The following WDR12 variants were observed in gnomAD, a reference collection of about 807,000 sequenced individuals.
WDR12 encodes WD repeat domain 12, also known as ribosome biogenesis protein WDR12.
In WDR12, 42 loss-of-function variants were observed where a neutral mutation model predicts 64.3. The ratio of observed to expected loss-of-function variants is 0.65; its 90% CI spans 0.51 to 0.84. The LOEUF (loss-of-function observed/expected upper bound fraction) is 0.84, where lower values mean the gene tolerates loss of function less well. Among genes scored for constraint, WDR12 ranks in the 40% least tolerant of loss-of-function variants. The pLI is 0.00. For synonymous variants in WDR12, 158 were observed against 173.3 expected (o/e 0.91, Z 0.70); for missense variants, 469 against 494.6 (o/e 0.95, Z 0.49).
intron 8 of WDR12, among the ~76,000 whole-genome samples, chr2:202,891,986 T>A (rs182613303): frequency 4.8e-4 from 73 of 152,334 alleles, no homozygotes; most frequent in African/African-American, 1.5e-3. Context: ...GGGGATCTAA[T>A]GTACAGCATG....
chr2:202,895,572 G>A (rs193191686), intron 6 of WDR12, among the ~76,000 whole-genome samples: 56 of 140,796 alleles, frequency 4.0e-4, no homozygotes, highest in Admixed American at 1.1e-3. Flanking sequence ...GGCCCAGGCT[G>A]GAGTGCAACG....
chr2:202,875,668 G>C lies in WDR12; in HGVS notation c.*5192C>G, dbSNP rs548279408. ...CTCCCAAAATGTTGGGATTACAGGC[G>C]TTAGCCACGGCGCCCAGCCACATAT... is the stretch of plus-strand genomic sequence containing the variant. On this transcript the variant is annotated 3_prime_UTR_variant, in exon 13 of 13. Coordinates refer to ENST00000261015, the MANE Select transcript of WDR12 (RefSeq NM_018256.4). The C allele has an allele frequency of 6.6e-6, 1 of 152,148 alleles. No homozygotes were observed. The highest frequency in any genetic ancestry group is 1.5e-5 in the Non-Finnish European group (1 of 68,030). The allele number at this position is 152,148 out of a possible 1,614,324, so 9.4% of individuals were successfully genotyped here. A position where few individuals can be genotyped will look rare whatever the true frequency, so the allele number is the denominator to read the frequency against.
At position 202,897,888 on chromosome 2, in the gene WDR12, CAAAAAAAAAA is replaced by C. The variant is rs10637220; in HGVS notation, c.339-483_339-474del. Among the ~76,000 whole-genome samples the C allele has an allele frequency of 6.7e-5, 5 of 74,190 alleles. No homozygotes were observed. In the South Asian group the frequency reaches 2.1e-3, roughly 32 times the overall value. The allele number at this position is 74,190 out of a possible 152,430, so 48.7% of individuals were successfully genotyped here. ...TGGGTGACAGAGCGAGACTCCGTTTCAAAAAAAAAAAAAAAAAAAAATATATATATATATA... is the reference window on the plus strand; with the variant it reads ...TGGGTGACAGAGCGAGACTCCGTTTCAAAAAAAAAAATATATATATATATA... On this transcript the variant is annotated intron_variant, in intron 4 of 12. Coordinates refer to ENST00000261015, the MANE Select transcript of WDR12 (RefSeq NM_018256.4).
intron 8 of WDR12, among the ~76,000 whole-genome samples, chr2:202,887,894 CAAAAAAA>C (rs778475206): frequency 9.9e-5 from 6 of 60,756 alleles, no homozygotes; most frequent in Non-Finnish European, 1.3e-4. Flanking sequence ...GACTCCGTCT[CAAAAAAA>C]AAAAAAAAAA....
At chr2:202,899,810 T>A (rs1391601705) in intron 3 of WDR12, among the ~76,000 whole-genome samples, 173 bp from the exon 4 acceptor site, 1 of 152,182 alleles carries the variant, frequency 6.6e-6, no homozygotes, top group Non-Finnish European at 1.5e-5. Context: ...GACCTAACTG[T>A]AAGCTAAGAG....
intron 7 of WDR12, 106 bp from the exon 8 acceptor site, chr2:202,892,808 C>T (rs185175231): frequency 2.3e-4 from 163 of 697,562 alleles, no homozygotes; most frequent in South Asian, 1.2e-3. Flanking sequence ...CGTTATCACA[C>T]AGTTAGGGAA....
At chr2:202,887,748 C>T (rs1344460324) in intron 8 of WDR12, among the ~76,000 whole-genome samples, 13 of 151,092 alleles carry the variant, frequency 8.6e-5, no homozygotes, top group South Asian at 2.1e-4. Context: ...ATTAGCCGGG[C>T]GCGGTGGCGG....
intron 8 of WDR12, among the ~76,000 whole-genome samples, chr2:202,886,424 C>A (rs1474553049): frequency 6.6e-6 from 1 of 152,036 alleles, no homozygotes; most frequent in Non-Finnish European, 1.5e-5. Context: ...TGCCACTGCA[C>A]TCTACCCTGG....
chr2:202,888,550 G>A (rs1425298963), intron 8 of WDR12, among the ~76,000 whole-genome samples: 1 of 152,134 alleles, frequency 6.6e-6, no homozygotes, highest in African/African-American at 2.4e-5. Context: ...AATTAAGGAG[G>A]AAAAGACTAT....
intron 6 of WDR12, among the ~76,000 whole-genome samples, chr2:202,895,695 T>A (rs1406196414): frequency 5.4e-5 from 8 of 149,196 alleles, no homozygotes; most frequent in Admixed American, 1.3e-4. Flanking sequence ...GCTTATTTTT[T>A]TTTTTTTTTT....
intron 8 of WDR12, among the ~76,000 whole-genome samples, chr2:202,887,695 T>C (rs1688072607): frequency 6.6e-6 from 1 of 150,646 alleles, no homozygotes; most frequent in Non-Finnish European, 1.5e-5. Context: ...GAGACCATCC[T>C]GGCTAACAAG....
chr2:202,909,585 G>A (rs1688527903), intron 1 of WDR12, among the ~76,000 whole-genome samples: 1 of 152,018 alleles, frequency 6.6e-6, no homozygotes, highest in Admixed American at 6.6e-5. Context: ...ATTGACTGTG[G>A]TGATGGTTGC....
At chr2:202,890,552 G>A (rs546560334) in intron 8 of WDR12, among the ~76,000 whole-genome samples, 18 of 151,582 alleles carry the variant, frequency 1.2e-4, no homozygotes, top group Admixed American at 7.2e-4. Context: ...GGTGGATCAC[G>A]AGGTCAGGAG....
intron 8 of WDR12, among the ~76,000 whole-genome samples, chr2:202,887,865 G>A (rs542634496): frequency 2.2e-4 from 30 of 138,228 alleles, no homozygotes; most frequent in Admixed American, 7.8e-4. Flanking sequence ...TCCGCAGTCC[G>A]ACCTGGGCGA....
At chr2:202,893,210 G>A (rs1373904711) in intron 7 of WDR12, among the ~76,000 whole-genome samples, 3 of 151,866 alleles carry the variant, frequency 2.0e-5, no homozygotes, top group Non-Finnish European at 4.4e-5. Flanking sequence ...AACCCAGATT[G>A]AAAACTACAT....
chr2:202,901,274 G>C (rs1688344978), intron 2 of WDR12, among the ~76,000 whole-genome samples, 155 bp from the exon 3 acceptor site: 1 of 152,150 alleles, frequency 6.6e-6, no homozygotes. Context: ...TGTTCTGTTA[G>C]TATAATGTCT....
At chr2:202,884,887 A>G (rs118184971) in intron 8 of WDR12, among the ~76,000 whole-genome samples, 1 of 152,232 alleles carries the variant, frequency 6.6e-6, no homozygotes, top group South Asian at 2.1e-4. Context: ...CCCAGCTGAC[A>G]AATGTTATAT....
In WDR12 at chr2:202,899,587, T is replaced by C. The variant is rs368422498; in HGVS notation, c.282A>G (p.Pro94=). The C allele has an allele frequency of 1.5e-5, 24 of 1,614,106 alleles. No individual in the cohort carries two copies. The African/African-American group carries it at 3.1e-4, about 21-fold the overall frequency. Residue 94 remains proline (P), a synonymous_variant, in exon 4 of 13, where the codon CCA becomes CCG. Transcript: ENST00000261015. ...AGTCATCATGGAACATGCATTGCTC[T>C]GGCTGGGGTGCAGTATACTTCTCCA... is the stretch of plus-strand genomic sequence containing the variant. ...EYVEKYTAPQ[P]EQCMFHDDWI... is the part of the protein sequence containing the mutation.
At chr2:202,903,622 A>G (rs1688397662) in intron 2 of WDR12, among the ~76,000 whole-genome samples, 1 of 152,212 alleles carries the variant, frequency 6.6e-6, no homozygotes, top group Non-Finnish European at 1.5e-5. Flanking sequence ...ATAACGTTAT[A>G]TTTGATATAA....
Sources: allele counts gnomAD v4.1 joint callset (sites outside exome capture counted in the v4.1 genomes callset), GRCh38; gene constraint gnomAD v4.1.1; transcripts MANE v1.5; gene names NCBI Gene and HGNC (gene_info 2026-07-23, HGNC 2026-07-21).